Variants in MAP3K3 observed in about 807,000 individuals in gnomAD.
MAP3K3 encodes the protein MAP/ERK kinase kinase 3.
A neutral mutation model predicts 80.9 loss-of-function variants in MAP3K3; 12 were observed. The ratio of observed to expected loss-of-function variants is 0.15; its 90% CI spans 0.10 to 0.24. The LOEUF (loss-of-function observed/expected upper bound fraction) is 0.24. MAP3K3 is among the 10% of genes least tolerant of loss of function. The pLI, the probability that MAP3K3 is intolerant of heterozygous loss-of-function variation, is 1.00. For missense variants in MAP3K3, 596 were observed against 834.7 expected, an observed-to-expected ratio of 0.71 and a Z score of 3.52; for synonymous variants, 272 against 307.1, an observed-to-expected ratio of 0.89 and a Z score of 1.19.
At chr17:63,690,190 C>G in intron 11 of MAP3K3, 74 bp from the exon 12 acceptor site, 1 of 1,517,626 alleles carries the variant, frequency 6.6e-7, no homozygotes, top group South Asian at 1.2e-5. Context: ...GCCAGAGACC[C>G]TGTTCCTGGA....
At chr17:63,651,162 CAT>C (rs2034647587) in intron 3 of MAP3K3, among the ~76,000 whole-genome samples, 1 of 152,088 alleles carries the variant, frequency 6.6e-6, no homozygotes, top group African/African-American at 2.4e-5. Context: ...TCAGTAGTCT[CAT>C]ATAGTTCAAC....
rs553952097 is a variant in MAP3K3 at position 63,691,044 on chromosome 17, C to A, written c.1213-58C>A. On this transcript the variant is annotated intron_variant, in intron 12 of 15. Transcript: ENST00000361733. This position sits in a 1 kb window ranked among gnomAD's most constrained non-coding sequence, Gnocchi z 4.8. Reference sequence around the variant, plus strand: ...ACTAACTAGGGCAAGCTGAGCTGAACCCAGGCGGGCAGAACTAGGGCCCTG... The same window carrying A: ...ACTAACTAGGGCAAGCTGAGCTGAAACCAGGCGGGCAGAACTAGGGCCCTG... 2.5e-6 allele frequency: 4 copies of A among 1,607,056 alleles called. No homozygotes were observed. In the South Asian group the frequency reaches 4.4e-5, roughly 18 times the overall value.
At chr17:63,677,847 AAGAT>A (rs562976875) in intron 6 of MAP3K3, among the ~76,000 whole-genome samples, 2,484 of 152,260 alleles carry the variant, frequency 0.016, 60 homozygotes, top group African/African-American at 0.057. Flanking sequence ...CAAAGAAAGA[AAGAT>A]ACATGGCACT....
chr17:63,693,907 T>A lies in MAP3K3; in HGVS notation c.*130T>A. ...GGAGTGGCAGCCCAGCCAGCGTCGGTCTGTGCCCCTTCCGCCACTGGGGCT... is the reference window on the plus strand; with the variant it reads ...GGAGTGGCAGCCCAGCCAGCGTCGGACTGTGCCCCTTCCGCCACTGGGGCT... On this transcript the variant is annotated 3_prime_UTR_variant, in exon 16 of 16. Transcript: ENST00000361733. The surrounding 1 kb of genome is among the most constrained non-coding windows in gnomAD (Gnocchi z 4.2). The A allele has an allele frequency of 1.3e-6, 1 of 767,554 alleles. No homozygotes were observed. Among genetic ancestry groups the A allele is most frequent in the Non-Finnish European group, 2.0e-6 (1 of 496,674 alleles). The allele number at this position is 767,554 out of a possible 1,614,324, so 47.5% of individuals were successfully genotyped here.
In MAP3K3 at chr17:63,632,913, C is replaced by T. The variant is rs1481092035; in HGVS notation, c.126+111C>T. The T allele has an allele frequency of 2.2e-6, 3 of 1,385,864 alleles. No individual in the cohort carries two copies. The African/African-American group carries it at 4.3e-5, about 20-fold the overall frequency. The allele number at this position is 1,385,864 out of a possible 1,614,324, so 85.8% of individuals were successfully genotyped here. ...ATTACCAGGGTTGAATGCTTTTGAC[C>T]CCTTCCTTTCACAGTCTGTTAAATG... On this transcript the variant is annotated intron_variant, in intron 2 of 15. Transcript: ENST00000361733.
chr17:63,638,163 C>G (rs779561149), intron 2 of MAP3K3, among the ~76,000 whole-genome samples: 2 of 152,240 alleles, frequency 1.3e-5, no homozygotes, highest in Non-Finnish European at 2.9e-5. Flanking sequence ...ATAATCGTCT[C>G]TTCCACTGAT....
chr17:63,670,468 A>G (rs1172091219), intron 6 of MAP3K3, among the ~76,000 whole-genome samples: 3 of 151,860 alleles, frequency 2.0e-5, no homozygotes, highest in African/African-American at 7.3e-5. Context: ...CTCTAGTCCC[A>G]GCTACTCAGG....
intron 6 of MAP3K3, among the ~76,000 whole-genome samples, chr17:63,669,625 T>C (rs1356592486): frequency 1.3e-5 from 2 of 152,148 alleles, no homozygotes; most frequent in African/African-American, 4.8e-5. Context: ...CTGCTAATTT[T>C]TGTGTTTTTA....
At chr17:63,690,168 G>C in intron 11 of MAP3K3, 96 bp from the exon 12 acceptor site, 1 of 1,403,636 alleles carries the variant, frequency 7.1e-7, no homozygotes, top group Non-Finnish European at 9.7e-7. Flanking sequence ...TGCTGGGTGA[G>C]GGGGAGCCTG....
Position 63,652,610 on chromosome 17 carries a change from C to A in MAP3K3, c.221C>A (p.Thr74Lys). The A allele has an allele frequency of 6.2e-7, 1 of 1,613,948 alleles. No individual in the cohort carries two copies. The highest frequency in any genetic ancestry group is 8.5e-7 in the Non-Finnish European group (1 of 1,179,892). Residue 74 changes from threonine to lysine, a missense_variant, in exon 4 of 16, where the codon ACA becomes AAA. Thr to Lys is a moderately conservative substitution (Grantham distance 78). Transcript: ENST00000361733. ...TATGAAGATGTGGAGCACAAGGTGACAACAGTATTTGGACAACCTCTTGAT... is the reference window on the plus strand; with the variant it reads ...TATGAAGATGTGGAGCACAAGGTGAAAACAGTATTTGGACAACCTCTTGAT... Reference protein sequence around the residue: ...VKYEDVEHKVTTVFGQPLDLH... With the variant: ...VKYEDVEHKVKTVFGQPLDLH...
chr17:63,690,370 C>G lies in MAP3K3; in HGVS notation c.1170C>G (p.Ser390=). The change falls in exon 12 of 16, where the codon TCC becomes TCG. Residue 390 remains serine, a synonymous_variant. Transcript: ENST00000361733. The part of the protein sequence containing the change: ...YDVDTGRELA[S]KQVQFDPDSP... ...TGGACACGGGACGTGAACTTGCTTC[C>G]AAGCAGGTCCAATTTGATCCAGACA... The G allele has an allele frequency of 6.2e-7, 1 of 1,614,178 alleles. No homozygotes were observed. The highest frequency in any genetic ancestry group is 2.2e-5 in the East Asian group (1 of 44,878).
intron 6 of MAP3K3, among the ~76,000 whole-genome samples, chr17:63,678,539 G>T (rs1204110424): frequency 1.9e-4 from 29 of 152,270 alleles, no homozygotes; most frequent in African/African-American, 6.7e-4. Flanking sequence ...GAGTCAGGTG[G>T]GGAGGCCAGA....
At chr17:63,639,118 A>G (rs898155765) in intron 2 of MAP3K3, among the ~76,000 whole-genome samples, 3 of 152,200 alleles carry the variant, frequency 2.0e-5, no homozygotes, top group Admixed American at 6.5e-5. Flanking sequence ...AAAAGAAAGT[A>G]TGATATGACT....
At chr17:63,668,271 T>C (rs368584484) in intron 6 of MAP3K3, 1 of 152,178 alleles carries the variant, frequency 6.6e-6, no homozygotes, top group African/African-American at 2.4e-5. Flanking sequence ...ACAGGAAAAA[T>C]ATGTTTCTGA....
intron 6 of MAP3K3, 57 bp downstream of exon 6, chr17:63,667,117 A>T (rs2035016314): frequency 6.6e-7 from 1 of 1,504,084 alleles, no homozygotes; most frequent in Admixed American, 2.4e-5. Context: ...CATTTTAAAA[A>T]AGCAACAAGT....
At chr17:63,635,793 G>T (rs1884653768) in intron 2 of MAP3K3, among the ~76,000 whole-genome samples, 1 of 152,128 alleles carries the variant, frequency 6.6e-6, no homozygotes, top group South Asian at 2.1e-4. Flanking sequence ...CAGTTCTTCT[G>T]CCAGAAAGTC....
At chr17:63,681,264 T>C (rs1315194901) in intron 6 of MAP3K3, among the ~76,000 whole-genome samples, 1 of 152,016 alleles carries the variant, frequency 6.6e-6, no homozygotes, top group African/African-American at 2.4e-5. Flanking sequence ...GGGGAGACAC[T>C]GGCTGGGGGA....
chr17:63,678,303 A>G (rs1176459574), intron 6 of MAP3K3, among the ~76,000 whole-genome samples: 1 of 152,228 alleles, frequency 6.6e-6, no homozygotes, highest in Non-Finnish European at 1.5e-5. Flanking sequence ...TCATGGTACA[A>G]TATCCCTAAA....
At chr17:63,660,452 A>G (rs1238181929) in intron 5 of MAP3K3, among the ~76,000 whole-genome samples, 4 of 151,720 alleles carry the variant, frequency 2.6e-5, no homozygotes, top group Admixed American at 1.3e-4. Flanking sequence ...GGCTCAAGCA[A>G]TCCTTCTGTC....
Sources: gnomAD v4.1 joint callset for allele counts (sites outside exome capture counted in the v4.1 genomes callset) on GRCh38, gnomAD v4.1.1 for gene constraint, Gnocchi (gnomAD v3.1) non-coding constraint, MANE v1.5 for transcripts, NCBI Gene and HGNC (gene_info 2026-07-23, HGNC 2026-07-21) for gene names.